RGL1: variants seen among roughly 807,000 people sequenced by gnomAD.
RGL1 encodes ral guanine nucleotide dissociation stimulator-like 1.
RGL1 carries 24 observed loss-of-function variants against 95.2 expected under a neutral mutation model. That is an observed-to-expected ratio of 0.25 (90% CI 0.18 to 0.35). RGL1 has a LOEUF of 0.35. RGL1 is among the 10% of genes least tolerant of loss of function. The probability of loss-of-function intolerance (pLI) is 1.00; values close to 1 mark genes in which losing one functional copy is unlikely to be tolerated. For synonymous variants in RGL1, 329 were observed against 344.9 expected (o/e 0.95, Z 0.51); for missense variants, 715 against 936.3 (o/e 0.76, Z 3.08).
rs530556074 is a variant in RGL1 at position 183,906,893 on chromosome 1, A to G, written c.1473-119A>G. ...GTTTATGATAGGACAACGTTTGTAT[A>G]TATCTTTACTTTGAACAATTAGAGC... On this transcript the variant is annotated intron_variant, in intron 13 of 17. Transcript: ENST00000360851. 12 of 682,246 alleles carry G rather than the reference A, an allele frequency of 1.8e-5. No homozygotes were observed. The East Asian group carries it at 1.9e-4, about 11-fold the overall frequency. 42.3% of individuals were successfully genotyped at this position (682,246 alleles called of 1,614,324 possible). A position where few individuals can be genotyped will look rare whatever the true frequency, so the allele number is the denominator to read the frequency against.
At position 183,774,739 on chromosome 1, in the gene RGL1, C is replaced by A. The variant is rs190490634; in HGVS notation, c.133-31636C>A. Among the ~76,000 whole-genome samples, 476 of 152,070 alleles carry A rather than the reference C, an allele frequency of 3.1e-3. 2 individuals are homozygous for A. Among genetic ancestry groups the A allele is most frequent in the Middle Eastern group, 0.014 (4 of 292 alleles). On this transcript the variant is annotated intron_variant, in intron 2 of 18. Transcript: ENST00000304685. ...TACAGGCGCATGCCACCATGCCCGG[C>A]TAATTTTTGTATCTTTAGTAGAGAC...
intron 1 of RGL1, among the ~76,000 whole-genome samples, chr1:183,652,831 G>A (rs1650864266): frequency 6.6e-6 from 1 of 151,978 alleles, no homozygotes; most frequent in African/African-American, 2.4e-5. Context: ...CGTGCTGGAG[G>A]GCTCTCTGCA....
intron 1 of RGL1, among the ~76,000 whole-genome samples, chr1:183,663,566 G>A (rs1651806887): frequency 6.6e-6 from 1 of 152,028 alleles, no homozygotes; most frequent in Non-Finnish European, 1.5e-5. Context: ...GGAAACAACA[G>A]GTGCTGGAGA....
intron 2 of RGL1, among the ~76,000 whole-genome samples, chr1:183,752,327 A>G (rs1285783230): frequency 6.6e-6 from 1 of 152,020 alleles, no homozygotes; most frequent in East Asian, 1.9e-4. Context: ...CCTGGTTTCA[A>G]GCGATTCTCC....
At chr1:183,738,793 C>T (rs1414941137) in intron 1 of RGL1, among the ~76,000 whole-genome samples, 2 of 151,860 alleles carry the variant, frequency 1.3e-5, no homozygotes, top group South Asian at 2.1e-4. Context: ...CCCAGTTACT[C>T]GGGAAGCTGA....
chr1:183,814,762 A>C (rs1661970961), intron 2 of RGL1, among the ~76,000 whole-genome samples: 1 of 152,194 alleles, frequency 6.6e-6, no homozygotes, highest in Non-Finnish European at 1.5e-5. Flanking sequence ...ATATCAACTG[A>C]ATCTCTCCGC....
At position 183,805,141 on chromosome 1, in the gene RGL1, G is replaced by A. The variant is rs922586784; in HGVS notation, c.-157G>A. 5 of 960,610 alleles carry A rather than the reference G, an allele frequency of 5.2e-6. No homozygotes were observed. The African/African-American group carries it at 8.7e-5, about 17-fold the overall frequency. 59.5% of individuals were successfully genotyped at this position (960,610 alleles called of 1,614,324 possible). On this transcript the variant is annotated 5_prime_UTR_variant, in exon 1 of 18. Coordinates refer to ENST00000360851, the MANE Select transcript of RGL1 (RefSeq NM_001297671.3). ...CTTTGTGGCCCGAGTCGCGCGCACC[G>A]GCGGCGGCGGGGGCAGCGCGGCGCG... is the stretch of plus-strand genomic sequence containing the variant.
chr1:183,858,109 T>C (rs1665272919), intron 3 of RGL1, among the ~76,000 whole-genome samples: 1 of 152,164 alleles, frequency 6.6e-6, no homozygotes, highest in Admixed American at 6.5e-5. Context: ...AGGTTTTTTT[T>C]TTAAAGTGTG....
At chr1:183,756,923 C>A (rs1352215114) in intron 2 of RGL1, among the ~76,000 whole-genome samples, 1 of 151,678 alleles carries the variant, frequency 6.6e-6, no homozygotes, top group Non-Finnish European at 1.5e-5. Context: ...TACCCTGTTT[C>A]TCTAAATTGT....
Position 183,676,891 on chromosome 1 carries a change from A to AT in RGL1, c.-33+40398dup, listed in dbSNP as rs1215123397. 3.3e-5 allele frequency among the ~76,000 whole-genome samples: 5 copies of AT among 150,302 alleles called. No homozygotes were observed. In the South Asian group the frequency reaches 8.5e-4, roughly 26 times the overall value. On this transcript the variant is annotated intron_variant, in intron 1 of 18. Coordinates refer to the RGL1 transcript ENST00000304685. The stretch of plus-strand genomic sequence containing the variant: ...TTGCAGTATTTTATAATATTTTTGG[A>AT]TTTTTTTTGTGAGTATTAAATGAGT...
At chr1:183,714,591 A>T (rs1655499267) in intron 1 of RGL1, among the ~76,000 whole-genome samples, 1 of 152,198 alleles carries the variant, frequency 6.6e-6, no homozygotes, top group Admixed American at 6.5e-5. Flanking sequence ...ACCTGAGGAA[A>T]CCAAAGCCCT....
At chr1:183,873,187 C>T (rs1185140532) in intron 4 of RGL1, among the ~76,000 whole-genome samples, 4 of 152,202 alleles carry the variant, frequency 2.6e-5, no homozygotes, top group African/African-American at 9.6e-5. Flanking sequence ...ACGAGTATCT[C>T]CTAGGGTTTT....
chr1:183,896,208 G>A lies in RGL1; in HGVS notation c.1141-1600G>A, dbSNP rs148298774. ...CACAACTATCTAGCACAGGAAAGGC[G>A]CATATTAGGCTGCTTTCTTTTTTTT... On this transcript the variant is annotated intron_variant, in intron 9 of 17. Coordinates refer to ENST00000360851, the MANE Select transcript of RGL1 (RefSeq NM_001297671.3). 3.9e-5 allele frequency among the ~76,000 whole-genome samples: 6 copies of A among 152,268 alleles called. 1 individual carries two copies. Among genetic ancestry groups the A allele is most frequent in the African/African-American group, 1.4e-4 (6 of 41,566 alleles).
At chr1:183,852,179 A>C (rs1301396154) in intron 3 of RGL1, among the ~76,000 whole-genome samples, 9 of 152,092 alleles carry the variant, frequency 5.9e-5, no homozygotes, top group Admixed American at 5.9e-4. Context: ...GATTTCCCTT[A>C]AGACTTCTAA....
chr1:183,636,143 C>T, exon 1 of RGL1: 1 of 399,600 alleles, frequency 2.5e-6, no homozygotes, highest in Non-Finnish European at 4.4e-6. Context: ...GGCAGGTGGC[C>T]TTGGCTTTTG....
intron 1 of RGL1, among the ~76,000 whole-genome samples, chr1:183,735,699 T>C (rs146583854): frequency 4.6e-5 from 7 of 152,352 alleles, no homozygotes; most frequent in African/African-American, 1.7e-4. Flanking sequence ...CAACATTTAG[T>C]ATTACTACGA....
chr1:183,677,171 G>C (rs16861451), intron 1 of RGL1, among the ~76,000 whole-genome samples: 12,225 of 151,008 alleles, frequency 0.081, 911 homozygotes, highest in African/African-American at 0.2. Context: ...CCTCAGATTT[G>C]CTTATTCCAA....
chr1:183,677,361 TTTCC>T, intron 1 of RGL1, among the ~76,000 whole-genome samples: 1 of 152,152 alleles, frequency 6.6e-6, no homozygotes, highest in East Asian at 1.9e-4. Flanking sequence ...CTATACCTCC[TTTCC>T]TTGCCAAGTG....
chr1:183,763,130 AAC>A (rs1345155705), intron 2 of RGL1, among the ~76,000 whole-genome samples: 1 of 152,156 alleles, frequency 6.6e-6, no homozygotes, highest in Admixed American at 6.5e-5. Context: ...TAAGCAAACT[AAC>A]ACAAGAACAG....
Sources: gnomAD v4.1 joint callset for allele counts (sites outside exome capture counted in the v4.1 genomes callset) on GRCh38, gnomAD v4.1.1 for gene constraint, MANE v1.5 for transcripts, NCBI Gene and HGNC (gene_info 2026-07-23, HGNC 2026-07-21) for gene names.